The following STRBP variants were observed in gnomAD, a reference collection of about 807,000 sequenced individuals.
STRBP encodes spermatid perinuclear RNA-binding protein.
Under a neutral mutation model 80.1 loss-of-function variants are expected in STRBP, and 13 were observed. That is an observed-to-expected ratio of 0.16 (90% CI 0.11 to 0.26). The LOEUF is 0.26. Ranked by LOEUF, STRBP falls within the 10% of genes least tolerant of loss-of-function variation. The pLI is 1.00. For synonymous variants in STRBP, 284 were observed against 291.2 expected, an observed-to-expected ratio of 0.98 and a Z score of 0.25; for missense variants, 485 against 815.2, an observed-to-expected ratio of 0.59 and a Z score of 4.93.
At position 123,115,547 on chromosome 9, in the gene STRBP, C is replaced by G. The variant is rs1184757880; in HGVS notation, c.*84+382G>C. 2.8e-6 allele frequency: 1 copy of G among 361,378 alleles called. No individual in the cohort carries two copies. Among genetic ancestry groups the G allele is most frequent in the African/African-American group, 2.1e-5 (1 of 46,774 alleles). The allele number at this position is 361,378 out of a possible 1,614,324, so 22.4% of individuals were successfully genotyped here. A position where few individuals can be genotyped will look rare whatever the true frequency, so the allele number is the denominator to read the frequency against. On this transcript the variant is annotated intron_variant and NMD_transcript_variant, in intron 3 of 3. Transcript: ENST00000471564. This position sits in a 1 kb window ranked among gnomAD's most constrained non-coding sequence, Gnocchi z 5.0. ...ACCTTCTACTCAGTTGTCTAAGCTG[C>G]AGATTCTGACATTTTCTCCAACTGC...
chr9:123,111,158 T>G (rs775680547), intron 3 of STRBP: 1 of 167,590 alleles, frequency 6.0e-6, no homozygotes, highest in Non-Finnish European at 1.5e-5. Flanking sequence ...AGGGAGCCAG[T>G]GAAGTGATAT....
chr9:123,158,305 G>A (rs1156352710), intron 10 of STRBP, 27 bp downstream of exon 10: 3 of 1,603,026 alleles, frequency 1.9e-6, no homozygotes, highest in East Asian at 2.2e-5. Context: ...TCACTAATAA[G>A]TCAGAGTGGC....
chr9:123,118,887 C>T (rs75715892), downstream of STRBP, among the ~76,000 whole-genome samples: 2,483 of 152,294 alleles, frequency 0.016, 36 homozygotes, highest in South Asian at 0.069. Context: ...GAAGATAAGA[C>T]GTGCACCCTC....
chr9:123,130,531 A>G (rs909062568), intron 17 of STRBP, among the ~76,000 whole-genome samples: 1 of 152,160 alleles, frequency 6.6e-6, no homozygotes, highest in Non-Finnish European at 1.5e-5. Flanking sequence ...GTCCGCGGCA[A>G]CAAGAGACGT....
intron 3 of STRBP, chr9:123,109,841 T>C (rs2035535409): frequency 6.6e-6 from 1 of 152,232 alleles, no homozygotes; most frequent in South Asian, 2.1e-4. Flanking sequence ...CCAGTGTTTT[T>C]AAACATAATA....
chr9:123,206,070 C>T (rs1391604191), intron 2 of STRBP, among the ~76,000 whole-genome samples: 2 of 152,162 alleles, frequency 1.3e-5, no homozygotes, highest in African/African-American at 4.8e-5. Flanking sequence ...CGACTCCTAA[C>T]GTGTTCGCCA....
Position 123,122,647 on chromosome 9 carries a change from T to G in STRBP, c.*2950A>C. 9.8e-7 allele frequency: 1 copy of G among 1,025,558 alleles called. No individual in the cohort carries two copies. The highest frequency in any genetic ancestry group is 3.8e-5 in the South Asian group (1 of 26,622). 63.5% of individuals were successfully genotyped at this position (1,025,558 alleles called of 1,614,324 possible). ...TTACCTTGCACAAGAGATGGGGTACTCCTGCAGCCTGAAGAAACACAAGCT... is the reference window on the plus strand; with the variant it reads ...TTACCTTGCACAAGAGATGGGGTACGCCTGCAGCCTGAAGAAACACAAGCT... On this transcript the variant is annotated 3_prime_UTR_variant, in exon 19 of 19. Transcript: ENST00000348403.
chr9:123,118,884 A>G (rs2035686699), downstream of STRBP, among the ~76,000 whole-genome samples: 1 of 152,256 alleles, frequency 6.6e-6, no homozygotes, highest in Admixed American at 6.5e-5. Context: ...ATGGAAGATA[A>G]GACGTGCACC....
At chr9:123,220,271 G>A (rs1311470293) in intron 2 of STRBP, among the ~76,000 whole-genome samples, 1 of 152,186 alleles carries the variant, frequency 6.6e-6, no homozygotes, top group African/African-American at 2.4e-5. Flanking sequence ...TCATCATTGT[G>A]TGACATCATA....
chr9:123,199,026 C>G (rs1211959225), intron 2 of STRBP, among the ~76,000 whole-genome samples: 1 of 152,160 alleles, frequency 6.6e-6, no homozygotes, highest in African/African-American at 2.4e-5. Context: ...CTCACTGCAG[C>G]CTCTGCCTCC....
chr9:123,231,053 A>G (rs897920663), intron 2 of STRBP, among the ~76,000 whole-genome samples: 10 of 152,324 alleles, frequency 6.6e-5, no homozygotes, highest in South Asian at 2.1e-4. Flanking sequence ...TCTGTGTATT[A>G]TAAGAAAATG....
chr9:123,148,274 CTGTT>C (rs1364962752), intron 11 of STRBP, among the ~76,000 whole-genome samples: 1 of 152,146 alleles, frequency 6.6e-6, no homozygotes, highest in Non-Finnish European at 1.5e-5. Flanking sequence ...CTGACAGAGA[CTGTT>C]TGTCCCTTCT....
intron 2 of STRBP, among the ~76,000 whole-genome samples, chr9:123,233,582 T>C (rs1209859808): frequency 6.6e-6 from 1 of 152,258 alleles, no homozygotes; most frequent in Non-Finnish European, 1.5e-5. Flanking sequence ...ATAATGTTAA[T>C]TGCAGAATAT....
intron 17 of STRBP, 63 bp from the exon 18 acceptor site, chr9:123,128,321 TCACAAGCAC>T (rs762433161): frequency 2.1e-5 from 33 of 1,592,802 alleles, no homozygotes; most frequent in Non-Finnish European, 2.8e-5. Flanking sequence ...CTGGCCCAAT[TCACAAGCAC>T]CACCTGCTCA....
chr9:123,219,860 A>G (rs529401626), intron 2 of STRBP, among the ~76,000 whole-genome samples: 43 of 152,370 alleles, frequency 2.8e-4, no homozygotes, highest in Non-Finnish European at 3.8e-4. Flanking sequence ...GGAGGGACAC[A>G]CTGCCAGCTC....
At chr9:123,253,749 A>G (rs540863195) in intron 1 of STRBP, among the ~76,000 whole-genome samples, 1 of 152,346 alleles carries the variant, frequency 6.6e-6, no homozygotes, top group East Asian at 1.9e-4. Context: ...ATCACTATTA[A>G]ATAGCATAAG....
chr9:123,251,186 CTTCTTTTCTT>C (rs138789347), intron 1 of STRBP, among the ~76,000 whole-genome samples: 1 of 151,802 alleles, frequency 6.6e-6, no homozygotes, highest in African/African-American at 2.4e-5. Context: ...TCTTTCTTTC[CTTCTTTTCTT>C]TTCTTTTCTT....
intron 1 of STRBP, among the ~76,000 whole-genome samples, chr9:123,253,817 A>AC (rs1379848432): frequency 6.6e-6 from 1 of 152,208 alleles, no homozygotes; most frequent in Non-Finnish European, 1.5e-5. Flanking sequence ...ACTAGGAGTG[A>AC]CCTGTAATAC....
intron 2 of STRBP, among the ~76,000 whole-genome samples, chr9:123,226,073 T>C (rs1464462056): frequency 3.9e-5 from 6 of 152,164 alleles, no homozygotes; most frequent in African/African-American, 1.4e-4. Context: ...ATCCATACAC[T>C]GGAATACTTC....
Sources: allele counts gnomAD v4.1 joint callset (sites outside exome capture counted in the v4.1 genomes callset), GRCh38; gene constraint gnomAD v4.1.1; non-coding constraint Gnocchi (gnomAD v3.1); transcripts MANE v1.5; gene names NCBI Gene and HGNC (gene_info 2026-07-23, HGNC 2026-07-21).